The following DPP6 variants were observed in gnomAD, a reference collection of about 807,000 sequenced individuals.
DPP6 encodes the protein dipeptidyl peptidase like 6, also known as A-type potassium channel modulatory protein DPP6.
In DPP6, 69 loss-of-function variants were observed where a neutral mutation model predicts 122.6. The observed-to-expected ratio is 0.56, with a 90% confidence interval of 0.46 to 0.69. DPP6 has a LOEUF of 0.69. Ranked by LOEUF, DPP6 falls within the 30% of genes least tolerant of loss-of-function variation. DPP6 has a pLI of 0.00. For missense variants in DPP6, 928 were observed against 1,116.9 expected (o/e 0.83, Z 2.41); for synonymous variants, 418 against 433.1 (o/e 0.97, Z 0.43).
intron 1 of DPP6, among the ~76,000 whole-genome samples, chr7:154,160,468 A>G (rs55973536): frequency 0.13 from 19,737 of 152,150 alleles, 2,706 homozygotes; most frequent in African/African-American, 0.35. Context: ...GGGCAGGATG[A>G]GCAGGAAGTG....
intron 17 of DPP6, among the ~76,000 whole-genome samples, chr7:154,859,269 C>G (rs767310731): frequency 6.6e-6 from 1 of 152,260 alleles, no homozygotes; most frequent in Non-Finnish European, 1.5e-5. Context: ...TTCCAACCCG[C>G]GCTGTGGGGC....
intron 3 of DPP6, among the ~76,000 whole-genome samples, chr7:154,499,303 A>G (rs1442775459): frequency 6.6e-6 from 1 of 152,176 alleles, no homozygotes; most frequent in Non-Finnish European, 1.5e-5. Context: ...GGTACAAAGC[A>G]TGGCCATTCT....
rs554756757 is a variant in DPP6 at position 154,014,223 on chromosome 7, A to G, written c.51+126489A>G. 1.8e-3 allele frequency among the ~76,000 whole-genome samples: 272 copies of G among 148,792 alleles called. 3 individuals are homozygous for G. Among genetic ancestry groups the G allele is most frequent in the African/African-American group, 6.6e-3 (260 of 39,692 alleles). On this transcript the variant is annotated intron_variant, in intron 1 of 25. Coordinates refer to the DPP6 transcript ENST00000404039. ...GAATTTCTGACTGAGCCCAAAAGTT[A>G]TTAGAGGCAAGAATACTTCTCTCTC...
intron 1 of DPP6, among the ~76,000 whole-genome samples, chr7:154,214,986 G>A (rs536046534): frequency 1.3e-4 from 20 of 152,270 alleles, no homozygotes; most frequent in African/African-American, 4.6e-4. Flanking sequence ...TACCGAAGCA[G>A]CCTAATAAAT....
chr7:154,844,194 A>G (rs1320709849), intron 16 of DPP6, among the ~76,000 whole-genome samples: 1 of 152,276 alleles, frequency 6.6e-6, no homozygotes, highest in African/African-American at 2.4e-5. Context: ...AAATCATTTA[A>G]TAAGTTTTAC....
At chr7:154,822,928 T>C (rs950877495) in intron 16 of DPP6, among the ~76,000 whole-genome samples, 1 of 152,234 alleles carries the variant, frequency 6.6e-6, no homozygotes, top group Non-Finnish European at 1.5e-5. Flanking sequence ...GATCCTGACA[T>C]CTAGTGCAAG....
At chr7:154,004,289 C>T (rs544689662) in intron 1 of DPP6, among the ~76,000 whole-genome samples, 2 of 152,318 alleles carry the variant, frequency 1.3e-5, no homozygotes, top group South Asian at 2.1e-4. Context: ...GGAGCAGCAC[C>T]TGCTACTTCC....
At chr7:154,208,782 A>T (rs1339614084) in intron 1 of DPP6, among the ~76,000 whole-genome samples, 4 of 152,060 alleles carry the variant, frequency 2.6e-5, no homozygotes, top group African/African-American at 7.2e-5. Context: ...AAAAAAAAAA[A>T]TAGGGCAGCC....
In DPP6 at chr7:153,920,563, C is replaced by CTTT. The variant is rs61553100; in HGVS notation, c.51+32844_51+32846dup. 9.9e-4 allele frequency among the ~76,000 whole-genome samples: 88 copies of CTTT among 88,678 alleles called. 5 individuals carry two copies. The highest frequency in any genetic ancestry group is 3.9e-3 in the African/African-American group (84 of 21,604). 58.2% of individuals were successfully genotyped at this position (88,678 alleles called of 152,430 possible). On this transcript the variant is annotated intron_variant, in intron 1 of 25. Transcript: ENST00000404039. ...GTCAACCTTTTTCTTTTATCTCTCT[C>CTTT]TTTTTTTTTTTTTTTTTGAGATGGA...
chr7:154,049,552 G>A (rs147683252), upstream of DPP6, among the ~76,000 whole-genome samples: 19,286 of 122,778 alleles, frequency 0.16, 864 homozygotes, highest in South Asian at 0.17. Context: ...GTGCATAAAC[G>A]TGCATGCACA....
the DPP6 span, among the ~76,000 whole-genome samples, chr7:153,850,000 T>A: frequency 5.1e-4 from 78 of 152,374 alleles, no homozygotes; most frequent in Non-Finnish European, 8.2e-4. Context: ...TGCATCATAT[T>A]CTTGTTCCAT....
At chr7:154,372,733 G>A (rs532837796) in intron 1 of DPP6, among the ~76,000 whole-genome samples, 1 of 152,186 alleles carries the variant, frequency 6.6e-6, no homozygotes, top group Non-Finnish European at 1.5e-5. Context: ...GGAAAGCAAC[G>A]GGACTGAACA....
At chr7:154,564,764 G>GTGA (rs1830637301) in intron 4 of DPP6, among the ~76,000 whole-genome samples, 2 of 152,168 alleles carry the variant, frequency 1.3e-5, no homozygotes, top group South Asian at 4.1e-4. Context: ...GAGCCCCAAG[G>GTGA]TGATAATCAC....
chr7:153,903,636 A>G (rs968945159), intron 1 of DPP6, among the ~76,000 whole-genome samples: 1 of 152,206 alleles, frequency 6.6e-6, no homozygotes, highest in Non-Finnish European at 1.5e-5. Flanking sequence ...AAATCTTATT[A>G]ATGCCCTGTT....
intron 1 of DPP6, among the ~76,000 whole-genome samples, chr7:154,182,936 T>G (rs1421866385): frequency 6.6e-6 from 1 of 152,058 alleles, no homozygotes; most frequent in Non-Finnish European, 1.5e-5. Context: ...CTTTCTCACT[T>G]CTCTTCCCAC....
At chr7:153,951,406 T>G (rs944818523) in intron 1 of DPP6, among the ~76,000 whole-genome samples, 1 of 152,118 alleles carries the variant, frequency 6.6e-6, no homozygotes, top group African/African-American at 2.4e-5. Context: ...AGGCAGGAGC[T>G]GGTGAGATAC....
Position 154,612,345 on chromosome 7 carries a change from A to G in DPP6, c.628-25476A>G, listed in dbSNP as rs564511584. On this transcript the variant is annotated intron_variant, in intron 5 of 25. Transcript: ENST00000377770. Reference sequence around the variant, plus strand: ...CTTCCCTCCCTAACCCCTGACAACCATCAATCTATTGACCGTCTCTAATAA... The same window carrying G: ...CTTCCCTCCCTAACCCCTGACAACCGTCAATCTATTGACCGTCTCTAATAA... 9.5e-4 allele frequency among the ~76,000 whole-genome samples: 144 copies of G among 152,314 alleles called. 1 individual carries two copies. The highest frequency in any genetic ancestry group is 3.1e-3 in the African/African-American group (130 of 41,572).
At chr7:154,585,793 TC>T (rs1832401634) in intron 5 of DPP6, among the ~76,000 whole-genome samples, 1 of 152,206 alleles carries the variant, frequency 6.6e-6, no homozygotes, top group Admixed American at 6.5e-5. Flanking sequence ...ATCTTTTTGA[TC>T]CTTGGTGGTT....
At position 154,494,297 on chromosome 7, in the gene DPP6, G is replaced by A. The variant is rs533005523; in HGVS notation, c.457+19260G>A. Among the ~76,000 whole-genome samples, 38 of 151,666 alleles carry A rather than the reference G, an allele frequency of 2.5e-4. 1 individual carries two copies. The highest frequency in any genetic ancestry group is 6.6e-4 in the Admixed American group (10 of 15,224). On this transcript the variant is annotated intron_variant, in intron 3 of 25. Transcript: ENST00000377770. ...CTTGAGCCTGCGAGGGACAGGCTGT[G>A]GTGGGCTGACATCGCACCACTGCAC...
Sources: allele counts gnomAD v4.1 joint callset (sites outside exome capture counted in the v4.1 genomes callset), GRCh38; gene constraint gnomAD v4.1.1; transcripts MANE v1.5; gene names NCBI Gene and HGNC (gene_info 2026-07-23, HGNC 2026-07-21).